AFTPH: variants seen among roughly 807,000 people sequenced by gnomAD.
AFTPH encodes aftiphilin.
Under a neutral mutation model 72.5 loss-of-function variants are expected in AFTPH, and 7 were observed. The observed-to-expected ratio is 0.10, with a 90% confidence interval of 0.05 to 0.18. AFTPH has a LOEUF of 0.18. Ranked by LOEUF, AFTPH falls within the 10% of genes least tolerant of loss-of-function variation. AFTPH has a pLI of 1.00. For missense variants in AFTPH, 979 were observed against 1,060.5 expected (o/e 0.92, Z 1.07); for synonymous variants, 337 against 370.1 (o/e 0.91, Z 1.03).
chr2:64,571,252 T>G (rs1338915185), intron 5 of AFTPH, among the ~76,000 whole-genome samples: 1 of 146,526 alleles, frequency 6.8e-6, no homozygotes, highest in Non-Finnish European at 1.5e-5. Context: ...CACAAATTGT[T>G]GAGCACCGCC....
At chr2:64,574,396 C>T (rs1672643995) in intron 6 of AFTPH, among the ~76,000 whole-genome samples, 1 of 146,826 alleles carries the variant, frequency 6.8e-6, no homozygotes, top group Non-Finnish European at 1.5e-5. Flanking sequence ...GAGATCACAA[C>T]ACACATTAAG....
intron 8 of AFTPH, among the ~76,000 whole-genome samples, chr2:64,589,813 T>C (rs1470027153): frequency 6.6e-6 from 1 of 152,064 alleles, no homozygotes; most frequent in African/African-American, 2.4e-5. Flanking sequence ...AGTAGTAAAG[T>C]ATATTTTTAG....
rs573983130 is a variant in AFTPH at position 64,558,318 on chromosome 2, T to C, written c.1935+4909T>C. Among the ~76,000 whole-genome samples the C allele has an allele frequency of 4.6e-5, 7 of 152,234 alleles. No homozygotes were observed. The East Asian group carries it at 1.3e-3, about 29-fold the overall frequency. ...GGGTCTTGGAAACTGCAACTTTAAG[T>C]GAAAGGACATATAACAAAACCAATT... On this transcript the variant is annotated intron_variant, in intron 2 of 8. Transcript: ENST00000238856.
At chr2:64,564,481 G>A (rs1180839065) in intron 2 of AFTPH, among the ~76,000 whole-genome samples, 2 of 152,192 alleles carry the variant, frequency 1.3e-5, no homozygotes, top group South Asian at 2.1e-4. Context: ...AGAAATGGTG[G>A]TAGACGCCTA....
chr2:64,551,775 A>C, exon 2 of AFTPH: 1 of 1,613,734 alleles, frequency 6.2e-7, no homozygotes, highest in South Asian at 1.1e-5. Flanking sequence ...TGCTCCTGTG[A>C]AAGGACAGTC....
At chr2:64,570,293 T>C (rs1346667550) in intron 5 of AFTPH, among the ~76,000 whole-genome samples, 1 of 152,276 alleles carries the variant, frequency 6.6e-6, no homozygotes, top group East Asian at 1.9e-4. Flanking sequence ...TTTTTATCGA[T>C]GAATAAAAAT....
At chr2:64,524,417 G>A in exon 1 of AFTPH, 2 of 404,672 alleles carry the variant, frequency 4.9e-6, no homozygotes, top group Non-Finnish European at 8.7e-6. Flanking sequence ...AGGGCGGAGG[G>A]TAGTGGGATG....
At chr2:64,549,308 CTTTTTTTTTTTTTT>C (rs34951706) in intron 1 of AFTPH, among the ~76,000 whole-genome samples, 25 of 56,030 alleles carry the variant, frequency 4.5e-4, no homozygotes, top group Admixed American at 1.2e-3. Context: ...TTAGTCCTCC[CTTTTTTTTTTTTTT>C]TTTTTTTTTT....
intron 8 of AFTPH, among the ~76,000 whole-genome samples, chr2:64,589,954 G>T (rs986893347): frequency 2.0e-5 from 3 of 149,248 alleles, no homozygotes; most frequent in Non-Finnish European, 3.0e-5. Flanking sequence ...TGGGGGGGGG[G>T]GGGGGGTTTC....
At position 64,541,650 on chromosome 2, in the gene AFTPH, G is replaced by T. The variant is rs1205513159; in HGVS notation, c.-32-9793G>T. On this transcript the variant is annotated intron_variant, in intron 1 of 8. Coordinates refer to ENST00000238856, the Ensembl canonical transcript of AFTPH. ...ATTCATTGACAGTACATTTTGATATGACCTTAAAATTTCCATAAGGATATT... is the reference window on the plus strand; with the variant it reads ...ATTCATTGACAGTACATTTTGATATTACCTTAAAATTTCCATAAGGATATT... 2.0e-5 allele frequency among the ~76,000 whole-genome samples: 3 copies of T among 152,242 alleles called. No individual in the cohort carries two copies. The East Asian group carries it at 5.8e-4, about 29-fold the overall frequency.
exon 8 of AFTPH, chr2:64,585,491 C>G: frequency 6.2e-7 from 1 of 1,613,732 alleles, no homozygotes; most frequent in Non-Finnish European, 8.5e-7. Flanking sequence ...CTCAAAGTGA[C>G]TGATGCATTT....
intron 7 of AFTPH, chr2:64,581,205 C>T (rs746486382): frequency 6.3e-7 from 1 of 1,596,416 alleles, no homozygotes; most frequent in Admixed American, 1.7e-5. Flanking sequence ...GGAGGTTCCA[C>T]TCTTCTGAAC....
At chr2:64,561,049 C>G (rs190188418) in intron 2 of AFTPH, among the ~76,000 whole-genome samples, 1 of 152,320 alleles carries the variant, frequency 6.6e-6, no homozygotes, top group East Asian at 1.9e-4. Context: ...CTAGTCTAAG[C>G]ACAAGTATAC....
chr2:64,552,798 A>G (rs1671132299), exon 2 of AFTPH: 1 of 1,614,220 alleles, frequency 6.2e-7, no homozygotes, highest in Non-Finnish European at 8.5e-7. Flanking sequence ...TGGCTCTGCC[A>G]GTGGCTCAAC....
In AFTPH at chr2:64,582,987, C is replaced by T. The variant is rs957550472; in HGVS notation, c.2456-2435C>T. Among the ~76,000 whole-genome samples the T allele has an allele frequency of 2.6e-5, 4 of 152,304 alleles. No individual in the cohort carries two copies. The East Asian group carries it at 5.8e-4, about 22-fold the overall frequency. The stretch of plus-strand genomic sequence containing the variant: ...GCATGGTCAAATGCAGTTCTCATTA[C>T]TTTGGAGCCTTTTAAATATTTTTGT... On this transcript the variant is annotated intron_variant, in intron 7 of 8. Transcript: ENST00000238856.
chr2:64,546,312 G>T, intron 1 of AFTPH, among the ~76,000 whole-genome samples: 1 of 152,068 alleles, frequency 6.6e-6, no homozygotes, highest in Non-Finnish European at 1.5e-5. Flanking sequence ...TTTTTAAAAG[G>T]TGTTATGAGC....
chr2:64,528,172 C>T lies in AFTPH; in HGVS notation c.-33+3560C>T, dbSNP rs185937560. On this transcript the variant is annotated intron_variant, in intron 1 of 8. Transcript: ENST00000238856. ...GTGAATAATTCCCATCGGAAAATTA[C>T]ACAGTAAATGAGAATTAATTTACTG... 3.4e-4 allele frequency among the ~76,000 whole-genome samples: 52 copies of T among 152,328 alleles called. No homozygotes were observed. In the East Asian group the frequency reaches 9.4e-3, roughly 28 times the overall value.
At chr2:64,546,920 G>T (rs1239508101) in intron 1 of AFTPH, among the ~76,000 whole-genome samples, 1 of 152,016 alleles carries the variant, frequency 6.6e-6, no homozygotes, top group East Asian at 1.9e-4. Context: ...GTGGTGGCAG[G>T]CCCCTGTAGT....
intron 2 of AFTPH, among the ~76,000 whole-genome samples, chr2:64,555,681 G>A (rs568804979): frequency 6.6e-6 from 1 of 152,136 alleles, no homozygotes; most frequent in Non-Finnish European, 1.5e-5. Context: ...GAATTTGGAT[G>A]TTGGGAAAGA....
Sources: gnomAD v4.1 joint callset for allele counts (sites outside exome capture counted in the v4.1 genomes callset) on GRCh38, gnomAD v4.1.1 for gene constraint, MANE v1.5 for transcripts, NCBI Gene and HGNC (gene_info 2026-07-23, HGNC 2026-07-21) for gene names.